Variants in RBMS3 observed in about 807,000 individuals in gnomAD.
RBMS3 encodes RNA-binding motif, single-stranded-interacting protein 3.
In RBMS3, 27 loss-of-function variants were observed where a neutral mutation model predicts 66.8. That is an observed-to-expected ratio of 0.40 (90% CI 0.30 to 0.56). RBMS3 has a LOEUF of 0.56. Ranked by LOEUF, RBMS3 falls within the 20% of genes least tolerant of loss-of-function variation. The pLI, the probability that RBMS3 is intolerant of heterozygous loss-of-function variation, is 0.40. For missense variants in RBMS3, 513 were observed against 549.5 expected (o/e 0.93, Z 0.66); for synonymous variants, 188 against 183.0 (o/e 1.03, Z -0.22).
intron 1 of RBMS3, among the ~76,000 whole-genome samples, chr3:29,359,562 A>C (rs2125577227): frequency 6.6e-6 from 1 of 152,256 alleles, no homozygotes; most frequent in Non-Finnish European, 1.5e-5. Context: ...TGGCCTCATA[A>C]AGTGAGTTAG....
intron 10 of RBMS3, among the ~76,000 whole-genome samples, chr3:29,919,363 A>G (rs1024346815): frequency 2.6e-5 from 4 of 152,184 alleles, no homozygotes; most frequent in Admixed American, 2.6e-4. Flanking sequence ...AGCCAGAAAA[A>G]GAATTTCTCA....
At chr3:29,832,721 A>G (rs2058404690) in intron 6 of RBMS3, among the ~76,000 whole-genome samples, 1 of 152,174 alleles carries the variant, frequency 6.6e-6, no homozygotes, top group African/African-American at 2.4e-5. Context: ...GGTTGGAAGA[A>G]ACTGGGAACA....
chr3:29,813,456 G>C (rs1029925937), intron 6 of RBMS3, among the ~76,000 whole-genome samples: 2 of 152,056 alleles, frequency 1.3e-5, no homozygotes, highest in Admixed American at 1.3e-4. Context: ...TTGACTTGGC[G>C]ATGCGGGCTC....
chr3:29,538,009 AGC>A (rs1208209790), intron 3 of RBMS3, among the ~76,000 whole-genome samples: 23 of 152,064 alleles, frequency 1.5e-4, no homozygotes, highest in Non-Finnish European at 2.8e-4. Flanking sequence ...GGAAACAGGG[AGC>A]AAATAATTTT....
At chr3:29,730,472 A>G (rs9917741) in intron 4 of RBMS3, among the ~76,000 whole-genome samples, 6,784 of 152,312 alleles carry the variant, frequency 0.045, 486 homozygotes, top group African/African-American at 0.15. Flanking sequence ...TAGGCAGAAG[A>G]TATAAAAATG....
chr3:29,368,089 G>A (rs1023766327), intron 1 of RBMS3, among the ~76,000 whole-genome samples: 12 of 152,134 alleles, frequency 7.9e-5, no homozygotes, highest in Non-Finnish European at 1.2e-4. Flanking sequence ...TCAGATAATT[G>A]TAAAATGTGT....
At chr3:29,505,800 G>C (rs910242315) in intron 3 of RBMS3, among the ~76,000 whole-genome samples, 1 of 150,890 alleles carries the variant, frequency 6.6e-6, no homozygotes, top group Non-Finnish European at 1.5e-5. Context: ...CATCTCCTTG[G>C]TTAAATTTAA....
chr3:29,682,440 A>T (rs2051539449), intron 4 of RBMS3, among the ~76,000 whole-genome samples: 1 of 152,230 alleles, frequency 6.6e-6, no homozygotes, highest in Admixed American at 6.5e-5. Context: ...GGCATGAACC[A>T]CCATGCCCGG....
intron 1 of RBMS3, among the ~76,000 whole-genome samples, chr3:29,356,864 C>T (rs1432585267): frequency 6.6e-6 from 1 of 151,920 alleles, no homozygotes; most frequent in Non-Finnish European, 1.5e-5. Context: ...GCTGAGAGGA[C>T]CAAATGAGAT....
At chr3:29,534,327 C>T (rs1425244344) in intron 3 of RBMS3, among the ~76,000 whole-genome samples, 1 of 152,182 alleles carries the variant, frequency 6.6e-6, no homozygotes, top group Non-Finnish European at 1.5e-5. Context: ...AGAGTAATAG[C>T]CAGATACGTC....
chr3:29,986,086 C>T (rs905526836), intron 12 of RBMS3, among the ~76,000 whole-genome samples: 1 of 152,066 alleles, frequency 6.6e-6, no homozygotes, highest in African/African-American at 2.4e-5. Context: ...TTTAGAATTA[C>T]TAACTTTAGA....
intron 10 of RBMS3, among the ~76,000 whole-genome samples, chr3:29,921,229 A>AT (rs1379466961): frequency 2.6e-5 from 4 of 151,420 alleles, no homozygotes; most frequent in Admixed American, 6.6e-5. Flanking sequence ...CGCCTGGCTA[A>AT]TTTTTTGTTT....
chr3:29,767,769 A>G lies in RBMS3; in HGVS notation c.637+4780A>G, dbSNP rs1283697355. 9.2e-5 allele frequency among the ~76,000 whole-genome samples: 14 copies of G among 152,102 alleles called. No individual in the cohort carries two copies. In the East Asian group the frequency reaches 2.7e-3, roughly 30 times the overall value. ...GAGTAAAATATCGACAACATATTTA[A>G]ATGCAATTTATCTTAAATTTATCTT... On this transcript the variant is annotated intron_variant, in intron 6 of 14. Coordinates refer to ENST00000383767, the MANE Select transcript of RBMS3 (RefSeq NM_001003793.3).
chr3:29,564,693 C>T (rs1350670876), intron 3 of RBMS3, among the ~76,000 whole-genome samples: 1 of 151,652 alleles, frequency 6.6e-6, no homozygotes, highest in Non-Finnish European at 1.5e-5. Context: ...TTTTGTCTAC[C>T]TCAAACCAGA....
intron 3 of RBMS3, among the ~76,000 whole-genome samples, chr3:29,504,255 G>A (rs764674041): frequency 6.6e-6 from 1 of 152,082 alleles, no homozygotes. Flanking sequence ...TAATTTGTAC[G>A]TCATGAAGAC....
chr3:29,438,668 G>A (rs532665170), intron 2 of RBMS3, among the ~76,000 whole-genome samples: 13 of 152,226 alleles, frequency 8.5e-5, no homozygotes, highest in South Asian at 4.1e-4. Flanking sequence ...TGTGCGTAGC[G>A]TAGAAAATAG....
At chr3:29,320,301 G>A (rs55711830) in intron 1 of RBMS3, among the ~76,000 whole-genome samples, 54,022 of 151,794 alleles carry the variant, frequency 0.36, 10,441 homozygotes, top group African/African-American at 0.49. Context: ...AAAGGTTCAG[G>A]CTGCCTGTTT....
intron 7 of RBMS3, among the ~76,000 whole-genome samples, chr3:29,876,830 T>TG (rs1180933114): frequency 1.5e-5 from 2 of 134,234 alleles, no homozygotes; most frequent in Admixed American, 7.0e-5. Flanking sequence ...AGTCTAGAGG[T>TG]GAAAAAAAAA....
At chr3:29,630,845 C>G (rs2049257726) in intron 4 of RBMS3, among the ~76,000 whole-genome samples, 1 of 151,842 alleles carries the variant, frequency 6.6e-6, no homozygotes, top group African/African-American at 2.4e-5. Flanking sequence ...TCATTTTAGA[C>G]CAAGTTAGCA....
Sources: allele counts gnomAD v4.1 joint callset (sites outside exome capture counted in the v4.1 genomes callset), GRCh38; gene constraint gnomAD v4.1.1; transcripts MANE v1.5; gene names NCBI Gene and HGNC (gene_info 2026-07-23, HGNC 2026-07-21).